Variants in NAALADL2 observed in about 807,000 individuals in gnomAD.
The protein encoded by NAALADL2 is inactive N-acetylated-alpha-linked acidic dipeptidase-like protein 2.
Under a neutral mutation model 87.2 loss-of-function variants are expected in NAALADL2, and 76 were observed. That is an observed-to-expected ratio of 0.87 (90% CI 0.72 to 1.05). NAALADL2 has a LOEUF of 1.05. NAALADL2 is among the 50% of genes least tolerant of loss of function. The pLI, the probability that NAALADL2 is intolerant of heterozygous loss-of-function variation, is 0.00. For synonymous variants in NAALADL2, 354 were observed against 331.0 expected, an observed-to-expected ratio of 1.07 and a Z score of -0.75; for missense variants, 1,089 against 945.8, an observed-to-expected ratio of 1.15 and a Z score of -1.99.
chr3:174,897,950 A>G (rs1320237856), intron 1 of NAALADL2, among the ~76,000 whole-genome samples: 1 of 143,412 alleles, frequency 7.0e-6, no homozygotes. Context: ...CGTCTCTACT[A>G]AAAATACAAA....
At chr3:175,742,419 A>G (rs1324664402) in intron 12 of NAALADL2, among the ~76,000 whole-genome samples, 1 of 152,160 alleles carries the variant, frequency 6.6e-6, no homozygotes, top group East Asian at 1.9e-4. Context: ...GTTTTCTGAG[A>G]CGGAGTCTCG....
At chr3:174,670,179 C>G (rs970447351) in intron 2 of NAALADL2, among the ~76,000 whole-genome samples, 4 of 151,296 alleles carry the variant, frequency 2.6e-5, no homozygotes, top group Non-Finnish European at 4.4e-5. Context: ...CATATCATCA[C>G]AAACAGAGAT....
At chr3:174,787,602 T>TATAC (rs1716923151) in intron 3 of NAALADL2, among the ~76,000 whole-genome samples, 1 of 73,370 alleles carries the variant, frequency 1.4e-5, no homozygotes, top group African/African-American at 4.3e-5. Flanking sequence ...TATATATATA[T>TATAC]ATATATATAT....
intron 9 of NAALADL2, among the ~76,000 whole-genome samples, chr3:175,548,097 C>T (rs1713681142): frequency 6.6e-6 from 1 of 152,062 alleles, no homozygotes; most frequent in Admixed American, 6.6e-5. Context: ...AATACACATG[C>T]ACACGTATGT....
Position 175,280,231 on chromosome 3 carries a change from T to C in NAALADL2, c.939+23701T>C, listed in dbSNP as rs1754115505. 2.6e-5 allele frequency among the ~76,000 whole-genome samples: 4 copies of C among 152,020 alleles called. No homozygotes were observed. In the South Asian group the frequency reaches 8.3e-4, roughly 31 times the overall value. On this transcript the variant is annotated intron_variant, in intron 4 of 13. Transcript: ENST00000454872. ...CTAGTTCTTCAATTTTATATCGATT[T>C]CCTTTTTCTCAATGTAATCATTTCC...
intron 3 of NAALADL2, among the ~76,000 whole-genome samples, chr3:175,255,102 C>T (rs780185733): frequency 6.6e-6 from 1 of 152,098 alleles, no homozygotes; most frequent in East Asian, 1.9e-4. Flanking sequence ...GAGGCAAAAA[C>T]AGATTACTCT....
intron 4 of NAALADL2, among the ~76,000 whole-genome samples, chr3:175,309,003 C>G (rs1253316302): frequency 6.6e-6 from 1 of 151,962 alleles, no homozygotes; most frequent in African/African-American, 2.4e-5. Flanking sequence ...TGAAAATATC[C>G]CTTAGCTGTT....
Position 174,728,750 on chromosome 3 carries a change from C to T in NAALADL2, c.-114-8891C>T, listed in dbSNP as rs181487866. 6.8e-4 allele frequency among the ~76,000 whole-genome samples: 104 copies of T among 152,102 alleles called. 2 individuals are homozygous for T. In the East Asian group the frequency reaches 0.019, roughly 27 times the overall value. ...AGCTGGGACTGAAACTCAGATCAAT[C>T]GGATTATAACTTACATTTATGATCT... On this transcript the variant is annotated intron_variant, in intron 2 of 3. Transcript: ENST00000434257.
intron 11 of NAALADL2, among the ~76,000 whole-genome samples, chr3:175,702,064 GT>G (rs887540474): frequency 3.5e-4 from 53 of 151,764 alleles, no homozygotes; most frequent in East Asian, 9.7e-4. Flanking sequence ...ACTTTCCTCT[GT>G]TTTTTTTCTT....
At chr3:175,760,627 A>T (rs1019359171) in intron 13 of NAALADL2, among the ~76,000 whole-genome samples, 5 of 152,166 alleles carry the variant, frequency 3.3e-5, no homozygotes, top group South Asian at 2.1e-4. Flanking sequence ...ACAGGGGATT[A>T]TGCATTTTGT....
At chr3:175,194,066 A>C (rs1738621853) in intron 2 of NAALADL2, among the ~76,000 whole-genome samples, 1 of 151,934 alleles carries the variant, frequency 6.6e-6, no homozygotes, top group Admixed American at 6.6e-5. Context: ...TGAAAACTGA[A>C]GTGCAGAATG....
chr3:175,521,958 T>C lies in NAALADL2; in HGVS notation c.1653+50200T>C, dbSNP rs556860217. Among the ~76,000 whole-genome samples the C allele has an allele frequency of 2.0e-4, 30 of 152,264 alleles. No homozygotes were observed. The South Asian group carries it at 2.9e-3, about 15-fold the overall frequency. On this transcript the variant is annotated intron_variant, in intron 9 of 13. Coordinates refer to ENST00000454872, the MANE Select transcript of NAALADL2 (RefSeq NM_207015.3). The stretch of plus-strand genomic sequence containing the variant: ...AAATAGGAAAATTCTCAGGATACTA[T>C]TAGTAAGAAAAACAATAATCAACAT...
chr3:174,942,193 G>A (rs1738706342), intron 1 of NAALADL2, among the ~76,000 whole-genome samples: 1 of 151,972 alleles, frequency 6.6e-6, no homozygotes, highest in South Asian at 2.1e-4. Context: ...TATATTTACT[G>A]CTTTTTTAAG....
intron 2 of NAALADL2, among the ~76,000 whole-genome samples, chr3:174,652,546 C>T (rs1560118953): frequency 6.6e-6 from 1 of 152,074 alleles, no homozygotes; most frequent in African/African-American, 2.4e-5. Flanking sequence ...GGGAACTGCC[C>T]TTTATAAAGC....
In NAALADL2 at chr3:175,068,891, T is replaced by C. The variant is rs554758014; in HGVS notation, c.44-27899T>C. Reference sequence around the variant, plus strand: ...GGAGCATGGGTTCCTCTAAAATAGATCAACCATTAAGAAAATTGCCAGCAA... The same window carrying C: ...GGAGCATGGGTTCCTCTAAAATAGACCAACCATTAAGAAAATTGCCAGCAA... On this transcript the variant is annotated intron_variant, in intron 1 of 13. Coordinates refer to ENST00000454872, the MANE Select transcript of NAALADL2 (RefSeq NM_207015.3). 5.3e-5 allele frequency among the ~76,000 whole-genome samples: 8 copies of C among 152,198 alleles called. No homozygotes were observed. The East Asian group carries it at 1.5e-3, about 29-fold the overall frequency.
At chr3:175,456,633 C>T (rs1017784260) in intron 6 of NAALADL2, among the ~76,000 whole-genome samples, 1 of 151,958 alleles carries the variant, frequency 6.6e-6, no homozygotes, top group African/African-American at 2.4e-5. Flanking sequence ...GAGCAAATTA[C>T]AAACATAGTG....
chr3:175,115,766 G>A (rs990273365), intron 2 of NAALADL2, among the ~76,000 whole-genome samples: 7 of 151,434 alleles, frequency 4.6e-5, no homozygotes, highest in South Asian at 2.1e-4. Context: ...AGATGAGATC[G>A]AGCGCATTCA....
intron 9 of NAALADL2, among the ~76,000 whole-genome samples, chr3:175,564,089 G>T (rs182915073): frequency 1.7e-3 from 253 of 152,168 alleles, no homozygotes; most frequent in Non-Finnish European, 2.5e-3. Flanking sequence ...GTGGTGATAT[G>T]CCATCCACAT....
chr3:175,558,179 A>G (rs1228781451), intron 9 of NAALADL2, among the ~76,000 whole-genome samples: 1 of 140,754 alleles, frequency 7.1e-6, no homozygotes, highest in South Asian at 2.4e-4. Context: ...TGGGCAACAC[A>G]GCAAGACCCC....
Sources: allele counts gnomAD v4.1 joint callset (sites outside exome capture counted in the v4.1 genomes callset), GRCh38; gene constraint gnomAD v4.1.1; transcripts MANE v1.5; gene names NCBI Gene and HGNC (gene_info 2026-07-23, HGNC 2026-07-21).